SAMTOR: variants seen among roughly 807,000 people sequenced by gnomAD.
SAMTOR encodes the protein UPF0532 protein C7orf60.
At chr7:112,824,352 T>A in the SAMTOR span, among the ~76,000 whole-genome samples, 1 of 151,980 alleles carries the variant, frequency 6.6e-6, no homozygotes, top group East Asian at 1.9e-4. Context: ...TTGAGTTTTT[T>A]TTGTTTGTTT....
the SAMTOR span, among the ~76,000 whole-genome samples, chr7:112,886,844 CA>C: frequency 6.6e-6 from 1 of 152,108 alleles, no homozygotes. Flanking sequence ...TACAGCTTTC[CA>C]ATGGCAATTA....
the SAMTOR span, among the ~76,000 whole-genome samples, chr7:112,824,653 A>G: frequency 5.9e-5 from 9 of 151,902 alleles, 1 homozygote; most frequent in Middle Eastern, 6.8e-3. Context: ...GATCCACCAC[A>G]CCCAGCCAAG....
the SAMTOR span, among the ~76,000 whole-genome samples, chr7:112,865,667 C>T: frequency 0.032 from 2,935 of 92,732 alleles, 126 homozygotes; most frequent in African/African-American, 0.08. Flanking sequence ...ATATTTCATA[C>T]ATACATATAT....
chr7:112,937,943 G>A, the SAMTOR span, among the ~76,000 whole-genome samples: 2 of 151,796 alleles, frequency 1.3e-5, no homozygotes, highest in South Asian at 4.2e-4. Flanking sequence ...GTGTTAATTT[G>A]AGTGGAACCT....
At chr7:112,877,838 T>C in the SAMTOR span, among the ~76,000 whole-genome samples, 28 of 152,166 alleles carry the variant, frequency 1.8e-4, no homozygotes, top group African/African-American at 6.8e-4. Flanking sequence ...CCAAACTTGC[T>C]CCTGCTTTTA....
the SAMTOR span, among the ~76,000 whole-genome samples, chr7:112,882,849 C>G: frequency 6.7e-6 from 1 of 149,820 alleles, no homozygotes; most frequent in Non-Finnish European, 1.5e-5. Context: ...GGATCACCTC[C>G]AATATTAAAA....
At chr7:112,916,660 G>A in the SAMTOR span, among the ~76,000 whole-genome samples, 9 of 152,198 alleles carry the variant, frequency 5.9e-5, no homozygotes, top group East Asian at 1.9e-4. Flanking sequence ...CTTGGGAAGC[G>A]CAAGGGGTCA....
chr7:112,899,512 A>C, the SAMTOR span, among the ~76,000 whole-genome samples: 1 of 152,176 alleles, frequency 6.6e-6, no homozygotes, highest in Non-Finnish European at 1.5e-5. Context: ...TAGAACGTTT[A>C]TTCAAAGGAA....
chr7:112,896,271 A>G, the SAMTOR span, among the ~76,000 whole-genome samples: 2 of 152,074 alleles, frequency 1.3e-5, no homozygotes, highest in African/African-American at 4.8e-5. Flanking sequence ...AGAGCGAGCG[A>G]GCTCATTTTT....
chr7:112,881,007 C>T, the SAMTOR span, among the ~76,000 whole-genome samples: 2 of 152,098 alleles, frequency 1.3e-5, no homozygotes, highest in South Asian at 4.2e-4. Flanking sequence ...CTGGGCGCAG[C>T]TGTTCAGCTG....
chr7:112,938,841 C>T, the SAMTOR span, among the ~76,000 whole-genome samples: 1 of 152,232 alleles, frequency 6.6e-6, no homozygotes, highest in Admixed American at 6.5e-5. Flanking sequence ...GGGGTTCTCA[C>T]CGGAACCCCA....
At chr7:112,838,449 A>G in the SAMTOR span, among the ~76,000 whole-genome samples, 1 of 151,896 alleles carries the variant, frequency 6.6e-6, no homozygotes, top group African/African-American at 2.4e-5. Flanking sequence ...TTATTTTCAT[A>G]TATGTTTATT....
At chr7:112,939,675 C>G in the SAMTOR span, 3 of 1,613,328 alleles carry the variant, frequency 1.9e-6, no homozygotes, top group Non-Finnish European at 2.5e-6. Flanking sequence ...CGCTCCTGCT[C>G]CCGGGGCGGC....
chr7:112,851,297 T>A, the SAMTOR span, among the ~76,000 whole-genome samples: 4 of 152,256 alleles, frequency 2.6e-5, no homozygotes, highest in East Asian at 7.7e-4. Context: ...GACTTCAAAT[T>A]ACACCACAAG....
At chr7:112,821,532 C>G in the SAMTOR span, 1 of 425,714 alleles carries the variant, frequency 2.3e-6, no homozygotes, top group Non-Finnish European at 4.1e-6. Context: ...GTAGTTTCTG[C>G]TATGACATGA....
the SAMTOR span, among the ~76,000 whole-genome samples, chr7:112,922,325 G>C: frequency 6.6e-6 from 1 of 152,166 alleles, no homozygotes; most frequent in Non-Finnish European, 1.5e-5. Context: ...CCTCCCAGCT[G>C]CCTGCCTTGG....
the SAMTOR span, among the ~76,000 whole-genome samples, chr7:112,929,206 C>A: frequency 6.6e-6 from 1 of 150,546 alleles, no homozygotes. Flanking sequence ...GGGTTAATAT[C>A]CAAAAGATAT....
the SAMTOR span, among the ~76,000 whole-genome samples, chr7:112,900,865 T>G: frequency 6.6e-6 from 1 of 152,178 alleles, no homozygotes; most frequent in Non-Finnish European, 1.5e-5. Context: ...AATCTAGATA[T>G]AGACCTTACA....
At chr7:112,874,595 G>A in the SAMTOR span, among the ~76,000 whole-genome samples, 1 of 152,060 alleles carries the variant, frequency 6.6e-6, no homozygotes, top group Non-Finnish European at 1.5e-5. Context: ...TCAGTATCAC[G>A]CAACATATCC....
Sources: allele counts gnomAD v4.1 joint callset (sites outside exome capture counted in the v4.1 genomes callset), GRCh38; gene constraint gnomAD v4.1.1; transcripts MANE v1.5; gene names NCBI Gene and HGNC (gene_info 2026-07-23, HGNC 2026-07-21).